ATAD2B: variants seen among roughly 807,000 people sequenced by gnomAD.
ATAD2B encodes the protein ATPase family AAA domain-containing protein 2B.
ATAD2B carries 40 observed loss-of-function variants against 167.6 expected under a neutral mutation model. The observed-to-expected ratio is 0.24, with a 90% CI of 0.19 to 0.31. ATAD2B has a LOEUF of 0.31. Ranked by LOEUF, ATAD2B falls within the 10% of genes least tolerant of loss-of-function variation. ATAD2B has a pLI of 1.00. For synonymous variants in ATAD2B, 579 were observed against 596.5 expected (o/e 0.97, Z 0.43); for missense variants, 1,242 against 1,757.2 (o/e 0.71, Z 5.24).
the ATAD2B span, chr2:23,707,346 C>T: frequency 1.3e-5 from 2 of 152,128 alleles, no homozygotes; most frequent in Non-Finnish European, 2.9e-5. Flanking sequence ...TTCTCTTACC[C>T]GGTATGAATT....
intron 24 of ATAD2B, among the ~76,000 whole-genome samples, chr2:23,759,714 T>G (rs1201642052): frequency 6.6e-6 from 1 of 152,184 alleles, no homozygotes; most frequent in African/African-American, 2.4e-5. Context: ...CCCTATTAAT[T>G]TCTATTTATA....
intron 25 of ATAD2B, among the ~76,000 whole-genome samples, chr2:23,755,382 C>T (rs1675830142): frequency 6.6e-6 from 1 of 152,108 alleles, no homozygotes; most frequent in Non-Finnish European, 1.5e-5. Context: ...AATCTAATTA[C>T]TTTCCTCCTC....
At chr2:23,780,249 A>G (rs1307355136) in intron 22 of ATAD2B, among the ~76,000 whole-genome samples, 1 of 141,490 alleles carries the variant, frequency 7.1e-6, no homozygotes, top group Non-Finnish European at 1.5e-5. Flanking sequence ...TGCTGTCTCC[A>G]AAAAAAAAAG....
At chr2:23,766,802 G>A (rs1321204412) in intron 22 of ATAD2B, among the ~76,000 whole-genome samples, 1 of 151,918 alleles carries the variant, frequency 6.6e-6, no homozygotes, top group African/African-American at 2.4e-5. Context: ...AACCTACAGG[G>A]TACTGGTGTG....
chr2:23,777,303 A>G (rs1679288963), intron 22 of ATAD2B, among the ~76,000 whole-genome samples: 1 of 152,096 alleles, frequency 6.6e-6, no homozygotes, highest in South Asian at 2.1e-4. Flanking sequence ...AATGCCTGCC[A>G]CATAGTAGTT....
At position 23,882,599 on chromosome 2, in the gene ATAD2B, G is replaced by A. The variant is rs547106352; in HGVS notation, c.785-1844C>T. On this transcript the variant is annotated intron_variant, in intron 6 of 27. Transcript: ENST00000238789. Reference sequence around the variant, plus strand: ...CAAGGTGGGAGGATCACGAGGTCAGGAGATCGAGACCATCCTGGCTAACAC... The same window carrying A: ...CAAGGTGGGAGGATCACGAGGTCAGAAGATCGAGACCATCCTGGCTAACAC... 1.7e-4 allele frequency among the ~76,000 whole-genome samples: 26 copies of A among 151,110 alleles called. No homozygotes were observed. In the Middle Eastern group the frequency reaches 0.011, roughly 61 times the overall value.
intron 13 of ATAD2B, among the ~76,000 whole-genome samples, chr2:23,835,955 T>C (rs952877105): frequency 3.6e-4 from 53 of 148,950 alleles, no homozygotes; most frequent in Non-Finnish European, 7.0e-4. Context: ...AAAAAATGAG[T>C]GAACTGTACA....
intron 8 of ATAD2B, among the ~76,000 whole-genome samples, chr2:23,873,636 T>C (rs979514624): frequency 2.6e-5 from 4 of 152,340 alleles, no homozygotes; most frequent in African/African-American, 4.8e-5. Flanking sequence ...TGTTGTTGTA[T>C]TGTTGGGGTT....
chr2:23,797,292 G>A (rs1682771361), intron 19 of ATAD2B, among the ~76,000 whole-genome samples: 1 of 151,942 alleles, frequency 6.6e-6, no homozygotes, highest in Non-Finnish European at 1.5e-5. Context: ...TAAGCTCAGG[G>A]TATTAAAACA....
At chr2:23,791,116 T>C (rs1681627544) in intron 19 of ATAD2B, among the ~76,000 whole-genome samples, 1 of 152,264 alleles carries the variant, frequency 6.6e-6, no homozygotes, top group Admixed American at 6.5e-5. Flanking sequence ...AGTTGTAGTA[T>C]GTATTAGTAT....
intron 22 of ATAD2B, among the ~76,000 whole-genome samples, chr2:23,772,989 A>G (rs1427107455): frequency 6.6e-6 from 1 of 152,070 alleles, no homozygotes; most frequent in Non-Finnish European, 1.5e-5. Context: ...CGATCTGCCT[A>G]CCTCGGTCTC....
intron 22 of ATAD2B, among the ~76,000 whole-genome samples, chr2:23,770,674 A>G (rs894529571): frequency 1.3e-5 from 2 of 152,320 alleles, no homozygotes; most frequent in South Asian, 4.1e-4. Flanking sequence ...CATCTATTTC[A>G]GGACTCTATC....
rs535426508 is a variant in ATAD2B at position 23,794,601 on chromosome 2, T to G, written c.2640+3537A>C. ...ACCTCATCAGTAAAAAATCTGAAAA[T>G]ATTCTCATTACTATATGCATATTTA... On this transcript the variant is annotated intron_variant, in intron 19 of 27. Coordinates refer to ENST00000238789, the MANE Select transcript of ATAD2B (RefSeq NM_017552.4). 2.6e-5 allele frequency among the ~76,000 whole-genome samples: 4 copies of G among 152,230 alleles called. No individual in the cohort carries two copies. The South Asian group carries it at 8.3e-4, about 32-fold the overall frequency.
intron 18 of ATAD2B, chr2:23,809,260 GC>G (rs1158139663): frequency 6.6e-6 from 1 of 152,104 alleles, no homozygotes. Flanking sequence ...CAAACTGGGA[GC>G]AAAATACTGG....
chr2:23,893,750 G>A (rs1435289219), intron 2 of ATAD2B, among the ~76,000 whole-genome samples: 1 of 148,556 alleles, frequency 6.7e-6, no homozygotes, highest in African/African-American at 2.5e-5. Context: ...GCTCACTGTA[G>A]CCTCAAACTG....
chr2:23,814,243 A>C (rs1236597416), intron 17 of ATAD2B, among the ~76,000 whole-genome samples: 2 of 152,218 alleles, frequency 1.3e-5, no homozygotes, highest in African/African-American at 4.8e-5. Context: ...GAGAAAATAG[A>C]AATAGGAAAC....
At chr2:23,804,197 A>G (rs1358625980) in intron 18 of ATAD2B, among the ~76,000 whole-genome samples, 2 of 152,186 alleles carry the variant, frequency 1.3e-5, no homozygotes, top group Non-Finnish European at 2.9e-5. Context: ...TTCCTCTTAC[A>G]TTATGTAACA....
At chr2:23,728,105 C>G in the ATAD2B span, among the ~76,000 whole-genome samples, 1 of 151,952 alleles carries the variant, frequency 6.6e-6, no homozygotes, top group South Asian at 2.1e-4. Context: ...GTAACAAATG[C>G]ATCACACTAA....
At chr2:23,684,365 G>T in the ATAD2B span, 1 of 1,366,844 alleles carries the variant, frequency 7.3e-7, no homozygotes. The surrounding 1 kb of genome is among the most constrained non-coding windows in gnomAD (Gnocchi z 4.4). Context: ...CTCTTAATGG[G>T]AACCTGGCCC....
Sources: allele counts gnomAD v4.1 joint callset (sites outside exome capture counted in the v4.1 genomes callset), GRCh38; gene constraint gnomAD v4.1.1; non-coding constraint Gnocchi (gnomAD v3.1); transcripts MANE v1.5; gene names NCBI Gene and HGNC (gene_info 2026-07-23, HGNC 2026-07-21).